The following AGBL4 variants were observed in gnomAD, a reference collection of about 807,000 sequenced individuals.
The protein encoded by AGBL4 is AGBL carboxypeptidase 4, also known as cytosolic carboxypeptidase 6.
AGBL4 carries 58 observed loss-of-function variants against 66.4 expected under a neutral mutation model. The ratio of observed to expected loss-of-function variants is 0.87; its 90% CI spans 0.71 to 1.09. The LOEUF is 1.09. Among genes scored for constraint, AGBL4 ranks in the 50% least tolerant of loss-of-function variants. The pLI, the probability that AGBL4 is intolerant of heterozygous loss-of-function variation, is 0.00. For missense variants in AGBL4, 579 were observed against 631.0 expected, an observed-to-expected ratio of 0.92 and a Z score of 0.88; for synonymous variants, 234 against 222.9, an observed-to-expected ratio of 1.05 and a Z score of -0.44.
At chr1:48,784,104 C>A (rs1645358131) in intron 6 of AGBL4, among the ~76,000 whole-genome samples, 1 of 152,066 alleles carries the variant, frequency 6.6e-6, no homozygotes, top group South Asian at 2.1e-4. Flanking sequence ...GTTTCTTAAT[C>A]TCTTCAAGCA....
chr1:48,647,973 T>C (rs534420923), intron 8 of AGBL4, among the ~76,000 whole-genome samples: 1 of 152,302 alleles, frequency 6.6e-6, no homozygotes, highest in East Asian at 1.9e-4. Context: ...GACTCCTAGG[T>C]CCCAGATCCT....
intron 6 of AGBL4, among the ~76,000 whole-genome samples, chr1:48,705,968 T>C (rs144819126): frequency 6.6e-6 from 1 of 152,276 alleles, no homozygotes; most frequent in African/African-American, 2.4e-5. Flanking sequence ...ATGGCATACA[T>C]AGAGAACAAT....
chr1:49,071,961 G>T (rs1644613588), intron 4 of AGBL4, among the ~76,000 whole-genome samples: 1 of 152,094 alleles, frequency 6.6e-6, no homozygotes, highest in South Asian at 2.1e-4. Flanking sequence ...AGGATAGTTA[G>T]CTCTTCTTGT....
chr1:48,884,978 T>TA (rs5742033), intron 5 of AGBL4, among the ~76,000 whole-genome samples: 3 of 139,580 alleles, frequency 2.1e-5, no homozygotes, highest in Admixed American at 7.2e-5. Flanking sequence ...GAGGCAGATT[T>TA]AAAAAAAAAA....
intron 6 of AGBL4, among the ~76,000 whole-genome samples, chr1:48,856,829 C>T (rs1252834306): frequency 3.3e-5 from 5 of 152,072 alleles, no homozygotes; most frequent in Non-Finnish European, 7.4e-5. Flanking sequence ...CAGAACACAG[C>T]CTCATTAGTG....
intron 4 of AGBL4, among the ~76,000 whole-genome samples, chr1:49,233,730 T>A (rs986858063): frequency 6.6e-6 from 1 of 152,184 alleles, no homozygotes; most frequent in Admixed American, 6.5e-5. Context: ...ATATGTGATG[T>A]GTGCTATTAA....
intron 1 of AGBL4, among the ~76,000 whole-genome samples, chr1:49,910,692 C>G (rs1445226219): frequency 2.0e-5 from 3 of 151,788 alleles, no homozygotes; most frequent in Non-Finnish European, 4.4e-5. Context: ...GAAAGAAAAC[C>G]GCGCCAGGCA....
chr1:49,932,627 C>T (rs555797684), intron 1 of AGBL4, among the ~76,000 whole-genome samples: 1 of 151,980 alleles, frequency 6.6e-6, no homozygotes, highest in African/African-American at 2.4e-5. Flanking sequence ...GAATATATAA[C>T]AACCCCTCAA....
intron 2 of AGBL4, among the ~76,000 whole-genome samples, chr1:49,796,505 A>ATAATTTAAATTTAAATTTAAAATT (rs926541669): frequency 4.6e-5 from 7 of 151,538 alleles, no homozygotes; most frequent in East Asian, 3.9e-4. Context: ...TATTAAATTT[A>ATAATTTAAATTTAAATTTAAAATT]TAATTTAAAT....
At chr1:49,135,884 CT>C (rs1235730246) in intron 4 of AGBL4, among the ~76,000 whole-genome samples, 1 of 152,136 alleles carries the variant, frequency 6.6e-6, no homozygotes, top group African/African-American at 2.4e-5. Context: ...GGGAGGCCTG[CT>C]CCCAACAGTA....
intron 6 of AGBL4, among the ~76,000 whole-genome samples, chr1:48,851,475 A>G (rs1487538119): frequency 6.6e-6 from 1 of 152,202 alleles, no homozygotes; most frequent in Admixed American, 6.5e-5. Flanking sequence ...CCTCTAAGAC[A>G]GTATCATCAA....
intron 3 of AGBL4, among the ~76,000 whole-genome samples, chr1:49,331,308 C>T (rs1448037241): frequency 6.6e-6 from 1 of 152,140 alleles, no homozygotes; most frequent in Non-Finnish European, 1.5e-5. Flanking sequence ...GGCCCCACTT[C>T]CACGGCACCT....
chr1:49,698,432 G>T (rs1571351551), intron 2 of AGBL4, among the ~76,000 whole-genome samples: 1 of 152,014 alleles, frequency 6.6e-6, no homozygotes, highest in East Asian at 1.9e-4. Context: ...AATGCTAAAT[G>T]AACTAAACTA....
chr1:48,597,608 T>A (rs1022522359), intron 9 of AGBL4, among the ~76,000 whole-genome samples: 1 of 151,068 alleles, frequency 6.6e-6, no homozygotes, highest in Admixed American at 6.6e-5. Flanking sequence ...GGCAAAATTG[T>A]CTTTCAAAAA....
chr1:49,917,920 A>T (rs982254780), intron 1 of AGBL4, among the ~76,000 whole-genome samples: 1 of 152,210 alleles, frequency 6.6e-6, no homozygotes, highest in Admixed American at 6.5e-5. Flanking sequence ...AGAACTCAGG[A>T]TTAAGAAACT....
At chr1:48,574,876 A>T (rs1338061120) in intron 11 of AGBL4, among the ~76,000 whole-genome samples, 1 of 152,140 alleles carries the variant, frequency 6.6e-6, no homozygotes, top group Non-Finnish European at 1.5e-5. Flanking sequence ...ATGCAGCCTG[A>T]AGTGAGGTAT....
chr1:49,569,424 C>T (rs80118594), intron 3 of AGBL4, among the ~76,000 whole-genome samples: 5,420 of 152,176 alleles, frequency 0.036, 138 homozygotes, highest in East Asian at 0.057. Flanking sequence ...ATACCCTATT[C>T]TCTATGATGT....
intron 3 of AGBL4, among the ~76,000 whole-genome samples, chr1:49,389,819 T>C (rs1644810305): frequency 6.6e-6 from 1 of 152,192 alleles, no homozygotes; most frequent in Non-Finnish European, 1.5e-5. Context: ...ATAGAAGCCA[T>C]GGCTCACATT....
intron 5 of AGBL4, among the ~76,000 whole-genome samples, chr1:49,016,724 C>T (rs1662854209): frequency 6.6e-6 from 1 of 152,136 alleles, no homozygotes; most frequent in Admixed American, 6.5e-5. Flanking sequence ...GTCAGCGAAC[C>T]CTGACAGCAG....
Sources: allele counts gnomAD v4.1 joint callset (sites outside exome capture counted in the v4.1 genomes callset), GRCh38; gene constraint gnomAD v4.1.1; transcripts MANE v1.5; gene names NCBI Gene and HGNC (gene_info 2026-07-23, HGNC 2026-07-21).